The following THSD7B variants were observed in gnomAD, a reference collection of about 807,000 sequenced individuals.
THSD7B encodes thrombospondin type 1 domain containing 7B.
A neutral mutation model predicts 213.6 loss-of-function variants in THSD7B; 138 were observed. The observed-to-expected ratio is 0.65, with a 90% CI of 0.56 to 0.74. The LOEUF (loss-of-function observed/expected upper bound fraction) is 0.74, where lower values mean the gene tolerates loss of function less well. Among genes scored for constraint, THSD7B ranks in the 30% least tolerant of loss-of-function variants. THSD7B has a pLI of 0.00. For synonymous variants in THSD7B, 742 were observed against 687.0 expected (o/e 1.08, Z -1.25); for missense variants, 1,931 against 1,991.5 (o/e 0.97, Z 0.58).
intron 16 of THSD7B, among the ~76,000 whole-genome samples, chr2:137,568,204 A>T (rs1480317196): frequency 6.6e-6 from 1 of 152,038 alleles, no homozygotes; most frequent in Non-Finnish European, 1.5e-5. Context: ...ATAATTGGGG[A>T]GGCGGGAGGA....
Position 136,890,826 on chromosome 2 carries a change from C to T in THSD7B, c.139+8509C>T, listed in dbSNP as rs577806947. Among the ~76,000 whole-genome samples the T allele has an allele frequency of 7.9e-5, 12 of 151,742 alleles. No individual in the cohort carries two copies. The South Asian group carries it at 2.5e-3, about 32-fold the overall frequency. On this transcript the variant is annotated intron_variant, in intron 2 of 27. Transcript: ENST00000409968. ...AAAGTGCTGGGATTATAGGCGTGAG[C>T]TACCGTGCCTGGCCATGTCCTACAC...
At chr2:137,133,888 G>A (rs1252835168) in intron 5 of THSD7B, among the ~76,000 whole-genome samples, 2 of 152,108 alleles carry the variant, frequency 1.3e-5, no homozygotes, top group Non-Finnish European at 2.9e-5. Flanking sequence ...TCTCATATTG[G>A]ATCAGCCACA....
chr2:137,018,442 C>A (rs1253200180), intron 2 of THSD7B, among the ~76,000 whole-genome samples: 5 of 152,118 alleles, frequency 3.3e-5, no homozygotes. Context: ...GAGATAATCT[C>A]TGGAAAGGTA....
intron 2 of THSD7B, among the ~76,000 whole-genome samples, chr2:137,035,891 T>A (rs1686765127): frequency 1.3e-5 from 2 of 152,190 alleles, no homozygotes; most frequent in African/African-American, 4.8e-5. Context: ...TCCATAAAAT[T>A]AATCCATAAA....
intron 7 of THSD7B, among the ~76,000 whole-genome samples, chr2:137,185,770 A>G (rs1435617964): frequency 6.6e-6 from 1 of 152,096 alleles, no homozygotes; most frequent in Non-Finnish European, 1.5e-5. Flanking sequence ...GTGAGATTGC[A>G]GGGTTGAATT....
chr2:136,861,615 T>C (rs1820918), intron 1 of THSD7B, among the ~76,000 whole-genome samples: 17,551 of 152,260 alleles, frequency 0.12, 1,366 homozygotes, highest in Non-Finnish European at 0.17. Flanking sequence ...ACCAGCAGAA[T>C]AATCAAATGT....
chr2:136,900,271 T>C (rs1684041456), intron 2 of THSD7B, among the ~76,000 whole-genome samples: 1 of 152,228 alleles, frequency 6.6e-6, no homozygotes, highest in Admixed American at 6.5e-5. Context: ...TCATACCTGT[T>C]GTGTACATGT....
chr2:136,771,777 T>C (rs892929492), intron 1 of THSD7B, among the ~76,000 whole-genome samples: 4 of 152,068 alleles, frequency 2.6e-5, no homozygotes, highest in Non-Finnish European at 5.9e-5. Context: ...ATTTAAATGG[T>C]GAAGGGCACC....
At chr2:136,897,300 G>C (rs956710016) in intron 2 of THSD7B, among the ~76,000 whole-genome samples, 1 of 152,082 alleles carries the variant, frequency 6.6e-6, no homozygotes, top group Non-Finnish European at 1.5e-5. Context: ...AAGATAGTGT[G>C]TCCAGAGTTT....
intron 5 of THSD7B, among the ~76,000 whole-genome samples, chr2:137,120,018 C>T (rs539945858): frequency 6.6e-6 from 1 of 152,248 alleles, no homozygotes; most frequent in Non-Finnish European, 1.5e-5. Flanking sequence ...GAAAGTAGTA[C>T]ACTAAGAACT....
chr2:137,500,776 G>A (rs536087660), intron 15 of THSD7B, among the ~76,000 whole-genome samples: 2 of 152,178 alleles, frequency 1.3e-5, no homozygotes, highest in Non-Finnish European at 2.9e-5. Flanking sequence ...AAAACATGTC[G>A]GGGGCATTTC....
chr2:137,465,609 G>A (rs1255180148), intron 15 of THSD7B, among the ~76,000 whole-genome samples: 1 of 152,112 alleles, frequency 6.6e-6, no homozygotes, highest in African/African-American at 2.4e-5. Context: ...TAGAACAGGG[G>A]TCCTGACACT....
intron 10 of THSD7B, among the ~76,000 whole-genome samples, chr2:137,264,682 T>C (rs1026282972): frequency 6.6e-6 from 1 of 152,164 alleles, no homozygotes; most frequent in Non-Finnish European, 1.5e-5. Flanking sequence ...ATTTCTGTTA[T>C]AATAACACAT....
intron 1 of THSD7B, among the ~76,000 whole-genome samples, chr2:136,799,268 C>G (rs1682126570): frequency 6.6e-6 from 1 of 151,416 alleles, no homozygotes; most frequent in Non-Finnish European, 1.5e-5. Flanking sequence ...TAGATTCTTA[C>G]AAAATGTATT....
intron 17 of THSD7B, among the ~76,000 whole-genome samples, chr2:137,584,590 T>A (rs565148821): frequency 7.2e-5 from 11 of 152,350 alleles, no homozygotes; most frequent in African/African-American, 2.4e-4. Flanking sequence ...TCTATTGAGA[T>A]AATCATGTCA....
intron 2 of THSD7B, among the ~76,000 whole-genome samples, chr2:137,046,302 A>G (rs1686968571): frequency 6.6e-6 from 1 of 152,236 alleles, no homozygotes; most frequent in South Asian, 2.1e-4. Context: ...TGTAATTGCA[A>G]GAGTGAATGC....
At position 137,382,551 on chromosome 2, in the gene THSD7B, A is replaced by C. The variant is rs186303201; in HGVS notation, c.2501-23062A>C. Among the ~76,000 whole-genome samples, 8 of 152,364 alleles carry C rather than the reference A, an allele frequency of 5.3e-5. No homozygotes were observed. The East Asian group carries it at 5.8e-4, about 11-fold the overall frequency. On this transcript the variant is annotated intron_variant, in intron 12 of 27. Coordinates refer to ENST00000409968, the MANE Select transcript of THSD7B (RefSeq NM_001316349.2). ...CTTGATAGAGAAACAGCTAGCAGCTATATATGCCACCCTTCAGGCTTGTGA... is the reference window on the plus strand; with the variant it reads ...CTTGATAGAGAAACAGCTAGCAGCTCTATATGCCACCCTTCAGGCTTGTGA...
chr2:136,992,076 C>T (rs1400041243), intron 2 of THSD7B, among the ~76,000 whole-genome samples: 2 of 152,076 alleles, frequency 1.3e-5, no homozygotes, highest in Non-Finnish European at 2.9e-5. Context: ...CTCTCTTGCC[C>T]AACACACCAA....
Position 137,259,340 on chromosome 2 carries a change from A to G in THSD7B, c.2267-13193A>G, listed in dbSNP as rs372744295. The stretch of plus-strand genomic sequence containing the variant: ...GTTCCTACTTCTCCACAGCCTAGCC[A>G]GCATCTATTGTTTCTTGACTTTTTA... On this transcript the variant is annotated intron_variant, in intron 10 of 27. Transcript: ENST00000409968. Among the ~76,000 whole-genome samples, 19 of 152,314 alleles carry G rather than the reference A, an allele frequency of 1.2e-4. No homozygotes were observed. In the East Asian group the frequency reaches 3.3e-3, roughly 26 times the overall value.
Sources: allele counts gnomAD v4.1 joint callset (sites outside exome capture counted in the v4.1 genomes callset), GRCh38; gene constraint gnomAD v4.1.1; transcripts MANE v1.5; gene names NCBI Gene and HGNC (gene_info 2026-07-23, HGNC 2026-07-21).